RAMP1: variants seen among roughly 807,000 people sequenced by gnomAD.
RAMP1 encodes receptor activity-modifying protein 1.
A neutral mutation model predicts 8.2 loss-of-function variants in RAMP1; 7 were observed. The ratio of observed to expected loss-of-function variants is 0.85; its 90% CI spans 0.49 to 1.60. The LOEUF is 1.60. RAMP1 is among the 40% of genes most tolerant of loss of function. RAMP1 has a pLI of 0.00. For synonymous variants in RAMP1, 92 were observed against 84.7 expected, an observed-to-expected ratio of 1.09 and a Z score of -0.47; for missense variants, 192 against 202.4, an observed-to-expected ratio of 0.95 and a Z score of 0.31.
chr2:237,911,388 G>A, intron 2 of RAMP1, 140 bp from the exon 3 acceptor site: 1 of 1,239,582 alleles, frequency 8.1e-7, no homozygotes, highest in Non-Finnish European at 1.1e-6. Flanking sequence ...CTGGATCCAG[G>A]GCCACTGCCT....
At chr2:237,886,431 C>A (rs2062433749) in intron 2 of RAMP1, among the ~76,000 whole-genome samples, 1 of 152,168 alleles carries the variant, frequency 6.6e-6, no homozygotes, top group South Asian at 2.1e-4. Flanking sequence ...TCTGATGACA[C>A]CTGCCTGCTG....
At position 237,865,239 on chromosome 2, in the gene RAMP1, T is replaced by G. The variant is rs1576531706; in HGVS notation, c.52+5512T>G. Among the ~76,000 whole-genome samples, 7 of 118,724 alleles carry G rather than the reference T, an allele frequency of 5.9e-5. No individual in the cohort carries two copies. Among genetic ancestry groups the G allele is most frequent in the Admixed American group, 1.8e-4 (2 of 11,088 alleles). 77.9% of individuals were successfully genotyped at this position (118,724 alleles called of 152,430 possible). A position where few individuals can be genotyped will look rare whatever the true frequency, so the allele number is the denominator to read the frequency against. ...GCACCTGGCAGAGCTCCTGGGGGAG[T>G]AGGGAGGGCAGGGCAGGGGAGAAGA... On this transcript the variant is annotated intron_variant, in intron 1 of 2. Coordinates refer to ENST00000254661, the MANE Select transcript of RAMP1 (RefSeq NM_005855.4). The surrounding 1 kb of genome is among the most constrained non-coding windows in gnomAD (Gnocchi z 4.2).
Position 237,859,686 on chromosome 2 carries a change from C to T in RAMP1, c.11C>T (p.Ala4Val), listed in dbSNP as rs1274451887. The T allele has an allele frequency of 6.6e-7, 1 of 1,511,050 alleles. No homozygotes were observed. The highest frequency in any genetic ancestry group is 8.8e-7 in the Non-Finnish European group (1 of 1,130,690). The allele number at this position is 1,511,050 out of a possible 1,614,324, so 93.6% of individuals were successfully genotyped here. A position where few individuals can be genotyped will look rare whatever the true frequency, so the allele number is the denominator to read the frequency against. The change falls in exon 1 of 3, where the codon GCC (alanine) becomes GTC (valine). Residue 4 changes from alanine to valine, a missense_variant. By Grantham distance (64) the Ala-to-Val change is moderately conservative. Coordinates refer to ENST00000254661, the MANE Select transcript of RAMP1 (RefSeq NM_005855.4). MAR[A>V]LCRLPRRGLW... ...GCACCGCTGTGCACCATGGCCCGGGCCCTGTGCCGCCTCCCGCGGCGCGGC... is the reference window on the plus strand; with the variant it reads ...GCACCGCTGTGCACCATGGCCCGGGTCCTGTGCCGCCTCCCGCGGCGCGGC...
At chr2:237,879,083 T>C (rs930402287) in intron 2 of RAMP1, among the ~76,000 whole-genome samples, 19 of 152,220 alleles carry the variant, frequency 1.2e-4, no homozygotes, top group Non-Finnish European at 2.4e-4. Flanking sequence ...TTGTTAAAAA[T>C]CAGAACAGCC....
At chr2:237,861,184 T>C (rs939959754) in intron 1 of RAMP1, among the ~76,000 whole-genome samples, 5 of 152,200 alleles carry the variant, frequency 3.3e-5, no homozygotes, top group African/African-American at 1.2e-4. Context: ...AAACACTATG[T>C]CACGATCACA....
intron 2 of RAMP1, among the ~76,000 whole-genome samples, chr2:237,907,383 C>G (rs988532831): frequency 6.6e-5 from 10 of 152,130 alleles, no homozygotes; most frequent in African/African-American, 1.9e-4. Context: ...GAGCCATTAT[C>G]TCTTCAAATA....
chr2:237,881,498 A>G (rs2062367145), intron 2 of RAMP1, among the ~76,000 whole-genome samples: 1 of 152,238 alleles, frequency 6.6e-6, no homozygotes, highest in Non-Finnish European at 1.5e-5. Flanking sequence ...AGGTTTTGCA[A>G]CGTCCCTCCA....
At chr2:237,875,821 C>A (rs150889161) in intron 1 of RAMP1, among the ~76,000 whole-genome samples, 1 of 152,136 alleles carries the variant, frequency 6.6e-6, no homozygotes, top group Non-Finnish European at 1.5e-5. Flanking sequence ...TGGAGTGGTG[C>A]TCTGCAACAG....
chr2:237,895,802 A>G (rs1041542453), intron 2 of RAMP1, among the ~76,000 whole-genome samples: 5 of 152,134 alleles, frequency 3.3e-5, no homozygotes, highest in Non-Finnish European at 5.9e-5. Context: ...GCGTTGCTTC[A>G]CAAGGACAAT....
chr2:237,890,494 A>G (rs145163925), intron 2 of RAMP1, among the ~76,000 whole-genome samples: 2,315 of 152,258 alleles, frequency 0.015, 69 homozygotes, highest in African/African-American at 0.052. Context: ...GAGCCACTGC[A>G]CCGAGCCAGA....
intron 1 of RAMP1, 158 bp downstream of exon 1, chr2:237,859,885 TC>T: frequency 1.4e-6 from 1 of 698,404 alleles, no homozygotes; most frequent in Non-Finnish European, 2.1e-6. Flanking sequence ...CCGCCCCGGT[TC>T]CAGGCGGGAG....
intron 2 of RAMP1, among the ~76,000 whole-genome samples, chr2:237,908,276 C>G (rs2062672411): frequency 6.6e-6 from 1 of 152,184 alleles, no homozygotes; most frequent in Non-Finnish European, 1.5e-5. Flanking sequence ...TCTCTGTGTA[C>G]TGGTCCAGCC....
chr2:237,859,515 A>T, upstream of RAMP1: 1 of 264,220 alleles, frequency 3.8e-6, no homozygotes. Context: ...CCTGGCACCC[A>T]CGCGGGGAGC....
intron 1 of RAMP1, chr2:237,874,822 AAAG>A (rs1271259917): frequency 3.0e-5 from 17 of 569,532 alleles, no homozygotes; most frequent in Non-Finnish European, 3.8e-5. Context: ...GGTTCTGAGA[AAAG>A]AAAGAGACCC....
chr2:237,880,612 G>A (rs778234571), intron 2 of RAMP1, among the ~76,000 whole-genome samples: 1 of 152,166 alleles, frequency 6.6e-6, no homozygotes, highest in African/African-American at 2.4e-5. Flanking sequence ...GAGAAAGGCT[G>A]GGTAAAACAA....
Position 237,877,360 on chromosome 2 carries a change from C to T in RAMP1, c.189C>T (p.Ile63=). The stretch of plus-strand genomic sequence containing the variant: ...TGTGGTGTGACTGGGGCAGGACCAT[C>T]AGGTGAGTCCCATGGCCCCTGGTGG... ...ETLWCDWGRT[I]RSYRELADCT... The change falls in exon 2 of 3, where the codon ATC becomes ATT. Residue 63 remains isoleucine (I), a splice_region_variant and synonymous_variant. Coordinates refer to ENST00000254661, the MANE Select transcript of RAMP1 (RefSeq NM_005855.4). This position sits in a 1 kb window ranked among gnomAD's most constrained non-coding sequence, Gnocchi z 4.4. 1 of 1,611,278 alleles carries T rather than the reference C, an allele frequency of 6.2e-7. No homozygotes were observed.
chr2:237,889,521 G>A (rs979849359), intron 2 of RAMP1, among the ~76,000 whole-genome samples: 2 of 151,908 alleles, frequency 1.3e-5, no homozygotes, highest in South Asian at 2.1e-4. Context: ...TTATATTCTG[G>A]GGTCGTACCA....
chr2:237,871,968 A>G (rs998378395), intron 1 of RAMP1, among the ~76,000 whole-genome samples: 3 of 152,256 alleles, frequency 2.0e-5, no homozygotes, highest in African/African-American at 2.4e-5. Flanking sequence ...TTTGTGGTAT[A>G]TAAATTATAC....
At chr2:237,868,813 G>C (rs12473236) in intron 1 of RAMP1, among the ~76,000 whole-genome samples, 16,560 of 152,174 alleles carry the variant, frequency 0.11, 1,051 homozygotes, top group Middle Eastern at 0.29. Context: ...CACGTGAATT[G>C]TTTGGAAGCA....
Sources: gnomAD v4.1 joint callset for allele counts (sites outside exome capture counted in the v4.1 genomes callset) on GRCh38, gnomAD v4.1.1 for gene constraint, Gnocchi (gnomAD v3.1) non-coding constraint, MANE v1.5 for transcripts, NCBI Gene and HGNC (gene_info 2026-07-23, HGNC 2026-07-21) for gene names.